CLMN: variants seen among roughly 807,000 people sequenced by gnomAD.
CLMN encodes the protein calmin (calponin-like, transmembrane).
Under a neutral mutation model 92.7 loss-of-function variants are expected in CLMN, and 57 were observed. The ratio of observed to expected loss-of-function variants is 0.61; its 90% confidence interval spans 0.50 to 0.77. CLMN has a LOEUF of 0.77. CLMN is among the 30% of genes least tolerant of loss of function. The probability of loss-of-function intolerance (pLI) is 0.00; values close to 1 mark genes in which losing one functional copy is unlikely to be tolerated. For missense variants in CLMN, 1,158 were observed against 1,237.5 expected, an observed-to-expected ratio of 0.94 and a Z score of 0.96; for synonymous variants, 466 against 470.6, an observed-to-expected ratio of 0.99 and a Z score of 0.13.
At chr14:95,213,121 A>G (rs1897244107) in intron 6 of CLMN, 98 bp downstream of exon 6, 15 of 1,320,072 alleles carry the variant, frequency 1.1e-5, no homozygotes, top group Non-Finnish European at 1.6e-5. Context: ...CAATGGGCAC[A>G]TACATAACTG....
intron 1 of CLMN, among the ~76,000 whole-genome samples, chr14:95,267,209 C>T (rs1899506271): frequency 6.6e-6 from 1 of 152,096 alleles, no homozygotes; most frequent in Non-Finnish European, 1.5e-5. Context: ...TTCTTCACAG[C>T]AAAGGAAACA....
chr14:95,315,883 G>A (rs1901745839), intron 1 of CLMN, among the ~76,000 whole-genome samples: 2 of 152,242 alleles, frequency 1.3e-5, no homozygotes, highest in African/African-American at 4.8e-5. Context: ...ATGTCTGCAA[G>A]ATGCTACGTG....
At chr14:95,195,803 T>C (rs1246644716) in intron 10 of CLMN, among the ~76,000 whole-genome samples, 1 of 46,728 alleles carries the variant, frequency 2.1e-5, no homozygotes, top group Admixed American at 2.0e-4. Context: ...CTGACTATTG[T>C]GACGATGAGA....
Position 95,194,129 on chromosome 14 carries a change from A to AC in CLMN, c.2770-211dup. On this transcript the variant is annotated intron_variant, in intron 11 of 12. Transcript: ENST00000298912. This position sits in a 1 kb window ranked among gnomAD's most constrained non-coding sequence, Gnocchi z 4.0. The stretch of plus-strand genomic sequence containing the variant: ...AGCCCCTCCCTTGTGAGTGCGAGAG[A>AC]CCCCACCACCCGGAACCCGGATTGG... 1 of 1,414,024 alleles carries AC rather than the reference A, an allele frequency of 7.1e-7. No homozygotes were observed. Among genetic ancestry groups the AC allele is most frequent in the Non-Finnish European group, 9.2e-7 (1 of 1,090,718 alleles). The allele number at this position is 1,414,024 out of a possible 1,614,324, so 87.6% of individuals were successfully genotyped here.
intron 1 of CLMN, among the ~76,000 whole-genome samples, chr14:95,276,587 G>A (rs575748003): frequency 3.9e-5 from 6 of 152,234 alleles, no homozygotes; most frequent in East Asian, 3.9e-4. Flanking sequence ...TCACCCCACC[G>A]CAGGCAATAC....
At chr14:95,279,407 C>T (rs1180559539) in intron 1 of CLMN, among the ~76,000 whole-genome samples, 1 of 152,228 alleles carries the variant, frequency 6.6e-6, no homozygotes, top group African/African-American at 2.4e-5. Context: ...TGGAGTTAGC[C>T]ATGCCCCTGG....
intron 1 of CLMN, among the ~76,000 whole-genome samples, chr14:95,236,369 C>T (rs910554582): frequency 2.0e-5 from 3 of 152,352 alleles, no homozygotes; most frequent in Middle Eastern, 3.4e-3. Context: ...TCACCCCATG[C>T]CCCCACCCAG....
chr14:95,241,579 T>A (rs1898244243), intron 1 of CLMN, among the ~76,000 whole-genome samples: 1 of 152,136 alleles, frequency 6.6e-6, no homozygotes, highest in Admixed American at 6.5e-5. Context: ...AGGTAAAGAC[T>A]GGAAACTATG....
chr14:95,203,965 G>A lies in CLMN; in HGVS notation c.1384C>T (p.His462Tyr). 1.2e-6 allele frequency: 2 copies of A among 1,614,172 alleles called. No homozygotes were observed. Among genetic ancestry groups the A allele is most frequent in the South Asian group, 1.1e-5 (1 of 91,078 alleles). The change falls in exon 9 of 13, where the codon CAT (histidine) becomes TAT (tyrosine). Residue 462 changes from histidine to tyrosine, a missense_variant. Physicochemically the swap from His to Tyr is moderately conservative, Grantham distance 83 (BLOSUM62 2). Transcript: ENST00000298912. ...VAKESLRQDGHVLAVEVAEEK... is the reference protein window; with the variant it reads ...VAKESLRQDGYVLAVEVAEEK... The stretch of plus-strand genomic sequence containing the variant: ...TCAGCAACCTCAACTGCCAAGACAT[G>A]TCCATCCTGCCTCAATGATTCCTTT...
chr14:95,193,797 T>G (rs1471439853), intron 12 of CLMN, 52 bp downstream of exon 12: 7 of 1,606,824 alleles, frequency 4.4e-6, no homozygotes, highest in Non-Finnish European at 5.9e-6. Context: ...GGCTGCAGAA[T>G]GTAAAAACAT....
At chr14:95,251,478 G>A (rs1022291893) in intron 1 of CLMN, among the ~76,000 whole-genome samples, 28 of 152,220 alleles carry the variant, frequency 1.8e-4, no homozygotes, top group African/African-American at 6.5e-4. Context: ...ACAGAACGAG[G>A]ACGACCTAGC....
At chr14:95,263,559 G>C (rs1899345225) in intron 1 of CLMN, among the ~76,000 whole-genome samples, 2 of 152,172 alleles carry the variant, frequency 1.3e-5, no homozygotes, top group Admixed American at 1.3e-4. Context: ...AGGAGCGGGA[G>C]GCATCTGCCC....
intron 1 of CLMN, among the ~76,000 whole-genome samples, chr14:95,279,714 C>T (rs868147815): frequency 2.6e-5 from 4 of 152,152 alleles, no homozygotes; most frequent in Non-Finnish European, 4.4e-5. Context: ...ACCCAGGAGG[C>T]GGAGCTTGCA....
At chr14:95,247,863 A>G (rs1898632059) in intron 1 of CLMN, among the ~76,000 whole-genome samples, 1 of 152,138 alleles carries the variant, frequency 6.6e-6, no homozygotes, top group Non-Finnish European at 1.5e-5. Context: ...GGAAGGAAGA[A>G]AGAGAGAGAC....
At chr14:95,289,714 C>T (rs1234098465) in intron 1 of CLMN, among the ~76,000 whole-genome samples, 1 of 152,112 alleles carries the variant, frequency 6.6e-6, no homozygotes, top group African/African-American at 2.4e-5. Context: ...CTGGGCTGCC[C>T]ACTTTCTCCA....
rs116820624 is a variant in CLMN at position 95,303,667 on chromosome 14, G to A, written c.82+16044C>T. Reference sequence around the variant, plus strand: ...TAACCAGTATTCAGCAGCAGCCTGGGAAATGGTCAAAATGGAATGAACATA... The same window carrying A: ...TAACCAGTATTCAGCAGCAGCCTGGAAAATGGTCAAAATGGAATGAACATA... On this transcript the variant is annotated intron_variant, in intron 1 of 12. Coordinates refer to ENST00000298912, the MANE Select transcript of CLMN (RefSeq NM_024734.4). Among the ~76,000 whole-genome samples, 616 of 152,330 alleles carry A rather than the reference G, an allele frequency of 4.0e-3. 2 individuals carry two copies. The highest frequency in any genetic ancestry group is 0.014 in the African/African-American group (583 of 41,584).
chr14:95,290,856 A>G (rs1394107126), intron 1 of CLMN, among the ~76,000 whole-genome samples: 3 of 152,180 alleles, frequency 2.0e-5, no homozygotes, highest in Admixed American at 6.5e-5. Flanking sequence ...GGTATGCAGT[A>G]GGTGCTCAAT....
At chr14:95,249,653 G>A (rs955122331) in intron 1 of CLMN, among the ~76,000 whole-genome samples, 4 of 151,830 alleles carry the variant, frequency 2.6e-5, no homozygotes. Context: ...GTGCAGTGGT[G>A]CGATCTCAGC....
At position 95,194,725 on chromosome 14, in the gene CLMN, G is replaced by A; in HGVS notation, c.2709-129C>T. Reference sequence around the variant, plus strand: ...AGCGACAACTTCACAGCCAGGGACAGAAATGACAGATTTTATATCTAACAT... The same window carrying A: ...AGCGACAACTTCACAGCCAGGGACAAAAATGACAGATTTTATATCTAACAT... On this transcript the variant is annotated intron_variant, in intron 10 of 12. Transcript: ENST00000298912. The surrounding 1 kb of genome is among the most constrained non-coding windows in gnomAD (Gnocchi z 4.0). The A allele has an allele frequency of 2.6e-6, 2 of 778,972 alleles. No homozygotes were observed. Among genetic ancestry groups the A allele is most frequent in the Non-Finnish European group, 2.2e-6 (1 of 453,492 alleles). 48.3% of individuals were successfully genotyped at this position (778,972 alleles called of 1,614,324 possible).
Sources: allele counts gnomAD v4.1 joint callset (sites outside exome capture counted in the v4.1 genomes callset), GRCh38; gene constraint gnomAD v4.1.1; non-coding constraint Gnocchi (gnomAD v3.1); transcripts MANE v1.5; gene names NCBI Gene and HGNC (gene_info 2026-07-23, HGNC 2026-07-21).